The following DNA2 variants were observed in gnomAD, a reference collection of about 807,000 sequenced individuals.
DNA2 encodes the protein DNA replication helicase/nuclease 2.
DNA2 carries 101 observed loss-of-function variants against 119.1 expected under a neutral mutation model. The observed-to-expected ratio is 0.85, with a 90% confidence interval of 0.72 to 1.00. The LOEUF (loss-of-function observed/expected upper bound fraction) is 1.00, where lower values mean the gene tolerates loss of function less well. DNA2 is among the 50% of genes least tolerant of loss of function. DNA2 has a pLI of 0.00. For synonymous variants in DNA2, 366 were observed against 424.4 expected (o/e 0.86, Z 1.69); for missense variants, 1,121 against 1,255.5 (o/e 0.89, Z 1.62).
intron 17 of DNA2, 39 bp from the exon 18 acceptor site, chr10:68,419,931 T>A (rs767761146): frequency 6.5e-7 from 1 of 1,546,274 alleles, no homozygotes; most frequent in Non-Finnish European, 8.9e-7. Context: ...TAATACAATC[T>A]CTAAAGAGTA....
intron 17 of DNA2, among the ~76,000 whole-genome samples, chr10:68,421,893 T>A (rs2051670381): frequency 6.6e-6 from 1 of 151,974 alleles, no homozygotes; most frequent in African/African-American, 2.4e-5. Context: ...CAGCTCACTG[T>A]AACCTCCGCC....
At chr10:68,442,239 G>T (rs1172188992) in intron 9 of DNA2, among the ~76,000 whole-genome samples, 3 of 148,388 alleles carry the variant, frequency 2.0e-5, no homozygotes, top group Non-Finnish European at 4.5e-5. Flanking sequence ...TTTTTTTTGA[G>T]ACAGAGTCTC....
chr10:68,437,859 C>T (rs2133388183), intron 9 of DNA2, among the ~76,000 whole-genome samples: 1 of 152,044 alleles, frequency 6.6e-6, no homozygotes, highest in South Asian at 2.1e-4. Context: ...TACAGGCATA[C>T]ACCACCACGA....
At chr10:68,467,973 C>G (rs1348220276) in intron 3 of DNA2, 150 bp downstream of exon 3, 1 of 574,944 alleles carries the variant, frequency 1.7e-6, no homozygotes, top group African/African-American at 1.9e-5. Flanking sequence ...CTTCACCTCT[C>G]TGAGCCCATT....
chr10:68,428,200 G>A (rs1248589740), intron 14 of DNA2, among the ~76,000 whole-genome samples: 3 of 151,846 alleles, frequency 2.0e-5, no homozygotes, highest in Non-Finnish European at 2.9e-5. Flanking sequence ...GGTGGCAGGC[G>A]CCTGTAGTCC....
At chr10:68,472,451 C>T (rs2052394452), upstream of DNA2, among the ~76,000 whole-genome samples, 2 of 152,104 alleles carry the variant, frequency 1.3e-5, no homozygotes. Context: ...TACAAAACTT[C>T]TGGCCAGGCA....
chr10:68,463,999 A>G (rs1163365474), intron 4 of DNA2, among the ~76,000 whole-genome samples: 2 of 152,172 alleles, frequency 1.3e-5, no homozygotes. Context: ...TCAAGCCAGA[A>G]AGCAACTGCT....
intron 6 of DNA2, among the ~76,000 whole-genome samples, chr10:68,447,228 C>A (rs2052051408): frequency 6.6e-6 from 1 of 151,864 alleles, no homozygotes; most frequent in Non-Finnish European, 1.5e-5. Flanking sequence ...TAAAAATTAC[C>A]CGGGCACGGC....
At chr10:68,448,960 T>C (rs993458218) in intron 6 of DNA2, among the ~76,000 whole-genome samples, 6 of 123,872 alleles carry the variant, frequency 4.8e-5, no homozygotes, top group Admixed American at 3.6e-4. Flanking sequence ...TGTGTGTGTG[T>C]GTGTGTGCGT....
At chr10:68,469,420 G>A (rs1476223271) in intron 2 of DNA2, among the ~76,000 whole-genome samples, 1 of 150,420 alleles carries the variant, frequency 6.6e-6, no homozygotes, top group Non-Finnish European at 1.5e-5. Context: ...AGAATGTACT[G>A]GGAAATAGGA....
At chr10:68,428,172 A>G (rs1268847416) in intron 14 of DNA2, among the ~76,000 whole-genome samples, 1 of 151,858 alleles carries the variant, frequency 6.6e-6, no homozygotes, top group Non-Finnish European at 1.5e-5. Flanking sequence ...GTAAAAATAC[A>G]AAGAATTAGC....
chr10:68,451,807 T>C (rs747744273), intron 5 of DNA2, among the ~76,000 whole-genome samples: 3 of 152,014 alleles, frequency 2.0e-5, no homozygotes, highest in Admixed American at 6.6e-5. Context: ...TCCTGGCTGG[T>C]CTCAAATTCC....
rs191141849 is a variant in DNA2, at chr10:68,459,614, C to T, written c.588-379G>A. Among the ~76,000 whole-genome samples, 14 of 152,130 alleles carry T rather than the reference C, an allele frequency of 9.2e-5. No individual in the cohort carries two copies. In the East Asian group the frequency reaches 2.5e-3, roughly 27 times the overall value. The stretch of plus-strand genomic sequence containing the variant: ...AGGCTGGGAGGAGGAAAGAAGGGAG[C>T]GTTATTGTTTCAAGGGCACAAAGCT... On this transcript the variant is annotated intron_variant, in intron 4 of 20. Coordinates refer to ENST00000358410, the MANE Select transcript of DNA2 (RefSeq NM_001080449.3).
At chr10:68,451,184 C>T (rs1443923352) in intron 5 of DNA2, among the ~76,000 whole-genome samples, 1 of 152,012 alleles carries the variant, frequency 6.6e-6, no homozygotes, top group African/African-American at 2.4e-5. Context: ...CACACATCCC[C>T]AGGTGACAAT....
rs1311988607 is a variant in DNA2 at position 68,432,462 on chromosome 10, T to A, written c.1695A>T (p.Glu565Asp). 6.3e-7 allele frequency: 1 copy of A among 1,584,834 alleles called. No homozygotes were observed. Among genetic ancestry groups the A allele is most frequent in the Admixed American group, 1.9e-5 (1 of 53,358 alleles). Residue 565 changes from glutamate to aspartate, a missense_variant, in exon 11 of 21, where the codon GAA becomes GAT. Transcript: ENST00000358410. ...PESTLFRLDQ[E>D]EKNCDIDTPL... Reference sequence around the variant, plus strand: ...GGGTATCTATATCACAATTTTTTTCTTCTTGGTCTAATCTGAACAAAGTTG... The same window carrying A: ...GGGTATCTATATCACAATTTTTTTCATCTTGGTCTAATCTGAACAAAGTTG...
rs543427263 is a variant in DNA2, at chr10:68,424,795, T to A, written c.2209-1905A>T. 1.1e-4 allele frequency: 126 copies of A among 1,181,918 alleles called. 1 individual carries two copies. In the South Asian group the frequency reaches 1.5e-3, roughly 14 times the overall value. The allele number at this position is 1,181,918 out of a possible 1,614,324, so 73.2% of individuals were successfully genotyped here. A position where few individuals can be genotyped will look rare whatever the true frequency, so the allele number is the denominator to read the frequency against. On this transcript the variant is annotated intron_variant, in intron 14 of 20. Transcript: ENST00000358410. ...GTCCAGGTGTACAGAAAGAAAGATGTCATCTACACTGAGCAGGTGCAGCGT... is the reference window on the plus strand; with the variant it reads ...GTCCAGGTGTACAGAAAGAAAGATGACATCTACACTGAGCAGGTGCAGCGT...
chr10:68,415,364 C>G (rs2051575221), intron 20 of DNA2, among the ~76,000 whole-genome samples: 1 of 151,784 alleles, frequency 6.6e-6, no homozygotes, highest in South Asian at 2.1e-4. Context: ...GCAACCTCTG[C>G]CTCCTGGGTT....
At chr10:68,436,339 G>T (rs1310783890) in intron 10 of DNA2, among the ~76,000 whole-genome samples, 2 of 152,162 alleles carry the variant, frequency 1.3e-5, no homozygotes, top group African/African-American at 4.8e-5. Context: ...GTATTGTATG[G>T]TTCCACTTAT....
chr10:68,423,785 T>G (rs954368865), intron 14 of DNA2, among the ~76,000 whole-genome samples: 1 of 152,082 alleles, frequency 6.6e-6, no homozygotes, highest in Non-Finnish European at 1.5e-5. Flanking sequence ...CCCAACCAAG[T>G]GGGCCCAGCG....
Sources: allele counts gnomAD v4.1 joint callset (sites outside exome capture counted in the v4.1 genomes callset), GRCh38; gene constraint gnomAD v4.1.1; transcripts MANE v1.5; gene names NCBI Gene and HGNC (gene_info 2026-07-23, HGNC 2026-07-21).